Variants in MFSD11 observed in about 807,000 individuals in gnomAD.
MFSD11 encodes the protein major facilitator superfamily domain containing 11.
MFSD11 carries 36 observed loss-of-function variants against 53.5 expected under a neutral mutation model. The observed-to-expected ratio is 0.67, with a 90% CI of 0.52 to 0.89. The LOEUF (loss-of-function observed/expected upper bound fraction) is 0.89, where lower values mean the gene tolerates loss of function less well. Ranked by LOEUF, MFSD11 falls within the 40% of genes least tolerant of loss-of-function variation. The pLI is 0.00. For synonymous variants in MFSD11, 186 were observed against 184.9 expected, an observed-to-expected ratio of 1.01 and a Z score of -0.05; for missense variants, 530 against 543.9, an observed-to-expected ratio of 0.97 and a Z score of 0.25.
chr17:76,802,662 T>C, the MFSD11 span, among the ~76,000 whole-genome samples: 1 of 152,142 alleles, frequency 6.6e-6, no homozygotes, highest in African/African-American at 2.4e-5. Context: ...GCAAATCACT[T>C]AAGGTCAGGA....
intron 10 of MFSD11, 21 bp from the exon 11 acceptor site, chr17:76,774,976 T>G: frequency 6.2e-7 from 1 of 1,608,110 alleles, no homozygotes; most frequent in Non-Finnish European, 8.5e-7. Context: ...TTAGTGACGT[T>G]TCTGCCATCT....
chr17:76,757,263 A>T (rs1396307110), intron 8 of MFSD11, among the ~76,000 whole-genome samples: 3 of 152,132 alleles, frequency 2.0e-5, no homozygotes, highest in African/African-American at 7.2e-5. Context: ...TGCATTACGG[A>T]GCTTGTCAGT....
upstream of MFSD11, chr17:76,737,529 G>A: frequency 6.9e-6 from 2 of 287,956 alleles, no homozygotes; most frequent in Non-Finnish European, 6.5e-6. Flanking sequence ...GCTGGAGGGA[G>A]GGGGAGCGGA....
At chr17:76,739,118 T>C (rs1312927754) in intron 2 of MFSD11, 125 bp downstream of exon 2, 1 of 727,084 alleles carries the variant, frequency 1.4e-6, no homozygotes, top group Non-Finnish European at 2.4e-6. Flanking sequence ...TCTCAGTGCC[T>C]AGACTGAGAG....
chr17:76,800,297 G>A, the MFSD11 span, among the ~76,000 whole-genome samples: 1 of 152,026 alleles, frequency 6.6e-6, no homozygotes, highest in Admixed American at 6.6e-5. Context: ...TAAGTATCTG[G>A]CTAAAAGGGT....
chr17:76,792,774 A>G, the MFSD11 span, among the ~76,000 whole-genome samples: 2 of 151,472 alleles, frequency 1.3e-5, no homozygotes, highest in African/African-American at 4.9e-5. Flanking sequence ...TTAAAGTGGA[A>G]GATTATCAGG....
chr17:76,791,941 A>G, the MFSD11 span, among the ~76,000 whole-genome samples: 1 of 147,726 alleles, frequency 6.8e-6, no homozygotes, highest in East Asian at 2.0e-4. Flanking sequence ...AACCAGTGAA[A>G]GAAGAATAGC....
downstream of MFSD11, among the ~76,000 whole-genome samples, chr17:76,786,198 G>A (rs1218190895): frequency 2.1e-5 from 3 of 145,962 alleles, no homozygotes; most frequent in African/African-American, 5.0e-5. Flanking sequence ...AGGCTGGAGT[G>A]TAGTGGTGTG....
Position 76,778,181 on chromosome 17 carries a change from T to A in MFSD11, c.1186-7T>A. ...CGCCCGTTGTGATTTGTTTTGTTTG[T>A]TCTTAGTCTATTTGCGCAGCCGTGG... On this transcript the variant is annotated splice_polypyrimidine_tract_variant and splice_region_variant and intron_variant, in intron 12 of 12. Transcript: ENST00000685175. 1 of 1,614,146 alleles carries A rather than the reference T, an allele frequency of 6.2e-7. No individual in the cohort carries two copies. Among genetic ancestry groups the A allele is most frequent in the Non-Finnish European group, 8.5e-7 (1 of 1,180,004 alleles).
chr17:76,742,092 C>T (rs983731851), intron 4 of MFSD11, 44 bp downstream of exon 4: 2 of 1,613,746 alleles, frequency 1.2e-6, no homozygotes, highest in Admixed American at 1.7e-5. Flanking sequence ...TTTTCTGGGG[C>T]CTATCTAAGG....
intron 7 of MFSD11, chr17:76,745,244 T>C (rs1192570383): frequency 6.6e-6 from 1 of 152,252 alleles, no homozygotes; most frequent in African/African-American, 2.4e-5. Flanking sequence ...GCTGACTTTG[T>C]AATCCAGAAA....
intron 7 of MFSD11, among the ~76,000 whole-genome samples, chr17:76,752,000 C>G (rs370139603): frequency 6.6e-5 from 10 of 152,268 alleles, no homozygotes; most frequent in Middle Eastern, 3.4e-3. Flanking sequence ...ATTCATGATT[C>G]TGAAGAGTGT....
chr17:76,803,397 C>G, the MFSD11 span, among the ~76,000 whole-genome samples: 127 of 152,312 alleles, frequency 8.3e-4, no homozygotes, highest in African/African-American at 2.7e-3. Flanking sequence ...AAAGTTCCTT[C>G]TTGCCTGGAG....
the MFSD11 span, among the ~76,000 whole-genome samples, chr17:76,801,810 T>C: frequency 6.6e-6 from 1 of 152,128 alleles, no homozygotes; most frequent in Non-Finnish European, 1.5e-5. Flanking sequence ...TGCATTCTGT[T>C]TTATCAGCAG....
the MFSD11 span, among the ~76,000 whole-genome samples, chr17:76,791,440 A>G: frequency 6.7e-6 from 1 of 148,530 alleles, no homozygotes; most frequent in Admixed American, 6.7e-5. Flanking sequence ...TCAGTTTTAT[A>G]TCTTAGAAAG....
Position 76,775,118 on chromosome 17 carries a change from T to C in MFSD11, c.996T>C (p.Asp332=), listed in dbSNP as rs1468246571. Residue 332 remains aspartate, a synonymous_variant, in exon 11 of 13, where the codon GAT becomes GAC. Transcript: ENST00000685175. ...TAATATTTCTCAACATGCCTGGAGATGCCCCGATTGCTCCTGTTAAAGGAA... is the reference window on the plus strand; with the variant it reads ...TAATATTTCTCAACATGCCTGGAGACGCCCCGATTGCTCCTGTTAAAGGAA... ...FYLIFLNMPG[D]APIAPVKGTD... 1.2e-6 allele frequency: 2 copies of C among 1,614,090 alleles called. No homozygotes were observed. The highest frequency in any genetic ancestry group is 1.7e-6 in the Non-Finnish European group (2 of 1,179,942).
At chr17:76,758,870 C>T (rs544993245) in intron 8 of MFSD11, among the ~76,000 whole-genome samples, 1 of 152,210 alleles carries the variant, frequency 6.6e-6, no homozygotes, top group South Asian at 2.1e-4. Flanking sequence ...TGAAAATACA[C>T]ATATAACTTT....
At position 76,738,147 on chromosome 17, in the gene MFSD11, A is replaced by T. The variant is rs1250791023; in HGVS notation, c.-206A>T. On this transcript the variant is annotated 5_prime_UTR_variant, in exon 1 of 13. Coordinates refer to ENST00000685175, the MANE Select transcript of MFSD11 (RefSeq NM_001242532.5). ...CTCTTCCGTACTCGGATCGCTTCTT[A>T]GGAGTATCCTAACTGCCGGTGGGGA... 4 of 600,296 alleles carry T rather than the reference A, an allele frequency of 6.7e-6. No individual in the cohort carries two copies. Among genetic ancestry groups the T allele is most frequent in the Non-Finnish European group, 1.2e-5 (4 of 340,162 alleles). 37.2% of individuals were successfully genotyped at this position (600,296 alleles called of 1,614,324 possible).
chr17:76,748,315 A>G (rs530320410), intron 7 of MFSD11, among the ~76,000 whole-genome samples: 2 of 152,250 alleles, frequency 1.3e-5, no homozygotes, highest in South Asian at 2.1e-4. Context: ...TGTTGAGGGT[A>G]TAAGTAGAAT....
Sources: gnomAD v4.1 joint callset for allele counts (sites outside exome capture counted in the v4.1 genomes callset) on GRCh38, gnomAD v4.1.1 for gene constraint, MANE v1.5 for transcripts, NCBI Gene and HGNC (gene_info 2026-07-23, HGNC 2026-07-21) for gene names.